Variants in SORCS3 observed in about 807,000 individuals in gnomAD.
SORCS3 encodes the protein sortilin related VPS10 domain containing receptor 3.
SORCS3 carries 57 observed loss-of-function variants against 146.3 expected under a neutral mutation model. The observed-to-expected ratio is 0.39, with a 90% CI of 0.31 to 0.49. The LOEUF is 0.49. Among genes scored for constraint, SORCS3 ranks in the 20% least tolerant of loss-of-function variants. The pLI is 0.92. For missense variants in SORCS3, 1,341 were observed against 1,575.5 expected, an observed-to-expected ratio of 0.85 and a Z score of 2.52; for synonymous variants, 653 against 618.5, an observed-to-expected ratio of 1.06 and a Z score of -0.83.
intron 4 of SORCS3, among the ~76,000 whole-genome samples, chr10:105,007,399 T>C (rs12250097): frequency 0.23 from 34,984 of 152,038 alleles, 4,638 homozygotes; most frequent in African/African-American, 0.35. Context: ...GCACCAAACC[T>C]TTACATTCAG....
intron 2 of SORCS3, among the ~76,000 whole-genome samples, chr10:104,905,000 A>G (rs1320924428): frequency 6.6e-6 from 1 of 152,194 alleles, no homozygotes; most frequent in Non-Finnish European, 1.5e-5. Context: ...ATATTCTATG[A>G]CTTGACAATA....
At chr10:104,642,061 G>A (rs1589444193) in intron 1 of SORCS3, 107 bp downstream of exon 1, 4 of 1,284,348 alleles carry the variant, frequency 3.1e-6, no homozygotes, top group East Asian at 5.2e-5. Context: ...CGAGGCGGGG[G>A]ACGCCTCGAC....
chr10:105,079,681 C>T (rs1465889495), intron 5 of SORCS3, among the ~76,000 whole-genome samples: 1 of 152,026 alleles, frequency 6.6e-6, no homozygotes, highest in African/African-American at 2.4e-5. Flanking sequence ...GATACTAAGC[C>T]GAGTACCCTA....
At chr10:105,210,999 A>T in intron 16 of SORCS3, 138 bp from the exon 17 acceptor site, 1 of 573,818 alleles carries the variant, frequency 1.7e-6, no homozygotes, top group Admixed American at 2.7e-5. Context: ...ATGAATATTT[A>T]CCCTCACTGG....
chr10:104,795,037 A>C (rs149128260), intron 1 of SORCS3, among the ~76,000 whole-genome samples: 27 of 152,322 alleles, frequency 1.8e-4, no homozygotes, highest in African/African-American at 6.5e-4. Context: ...ATTTTGAAAC[A>C]CTCACTTGAC....
intron 2 of SORCS3, among the ~76,000 whole-genome samples, chr10:104,854,119 G>A (rs1182824144): frequency 2.0e-5 from 3 of 152,108 alleles, no homozygotes; most frequent in African/African-American, 4.8e-5. Context: ...CTCAGCCCTG[G>A]ACACTCATTT....
intron 7 of SORCS3, among the ~76,000 whole-genome samples, chr10:105,126,263 C>A (rs1279377729): frequency 6.6e-6 from 1 of 152,130 alleles, no homozygotes; most frequent in African/African-American, 2.4e-5. Context: ...CTCACTATTT[C>A]TTTCCATTCC....
chr10:104,907,127 CTGTG>C (rs139418206), intron 2 of SORCS3, among the ~76,000 whole-genome samples: 36 of 147,982 alleles, frequency 2.4e-4, no homozygotes, highest in Non-Finnish European at 4.3e-4. Flanking sequence ...CTGTATAGTA[CTGTG>C]TGTGTGTGTG....
chr10:104,842,737 C>A (rs1288775050), intron 1 of SORCS3, 55 bp from the exon 2 acceptor site: 1 of 1,343,612 alleles, frequency 7.4e-7, no homozygotes, highest in African/African-American at 1.7e-5. Context: ...AAGTAAGCTT[C>A]CTTTTTTCCC....
intron 1 of SORCS3, among the ~76,000 whole-genome samples, chr10:104,731,832 A>C (rs2016709782): frequency 6.6e-6 from 1 of 152,302 alleles, no homozygotes; most frequent in East Asian, 1.9e-4. Flanking sequence ...AGGGAGGAAC[A>C]TCAATTGGCA....
intron 7 of SORCS3, among the ~76,000 whole-genome samples, chr10:105,120,210 C>A (rs1176763676): frequency 6.6e-6 from 1 of 152,086 alleles, no homozygotes; most frequent in Non-Finnish European, 1.5e-5. Context: ...CTTCCAGCCG[C>A]CCTGTGAAGA....
At chr10:105,191,426 G>T (rs925573783) in intron 14 of SORCS3, among the ~76,000 whole-genome samples, 2 of 152,098 alleles carry the variant, frequency 1.3e-5, no homozygotes, top group East Asian at 3.9e-4. Flanking sequence ...ACAGTTTTGT[G>T]GTTATATAAT....
chr10:104,807,614 C>T (rs753285288), intron 1 of SORCS3, among the ~76,000 whole-genome samples: 2 of 152,164 alleles, frequency 1.3e-5, no homozygotes, highest in Non-Finnish European at 2.9e-5. Flanking sequence ...GGTGGAGCAG[C>T]ATCCATTCTC....
chr10:104,991,165 T>C (rs2054991597), intron 4 of SORCS3, among the ~76,000 whole-genome samples: 1 of 152,178 alleles, frequency 6.6e-6, no homozygotes, highest in South Asian at 2.1e-4. Context: ...TAAGAAAAGT[T>C]TCTCCTTGCG....
intron 1 of SORCS3, among the ~76,000 whole-genome samples, chr10:104,661,698 T>TAGAC (rs1169860527): frequency 2.6e-5 from 4 of 151,582 alleles, no homozygotes; most frequent in Non-Finnish European, 5.9e-5. Flanking sequence ...GATAGATAGA[T>TAGAC]AGACAGATAG....
At chr10:104,924,266 C>G (rs772083319) in intron 3 of SORCS3, among the ~76,000 whole-genome samples, 7 of 152,152 alleles carry the variant, frequency 4.6e-5, no homozygotes, top group Non-Finnish European at 8.8e-5. Flanking sequence ...AGAGCTGGGG[C>G]GGGAGCAGTT....
chr10:105,108,830 CA>C lies in SORCS3; in HGVS notation c.1212+3317del, dbSNP rs140910451. On this transcript the variant is annotated intron_variant, in intron 7 of 26. Coordinates refer to ENST00000369701, the MANE Select transcript of SORCS3 (RefSeq NM_014978.3). ...AGAATGCCAATGAGTTGCAGGTAGA[CA>C]ACTACATACAGTGTAGGTACAAATA... Among the ~76,000 whole-genome samples the C allele has an allele frequency of 9.2e-3, 1,405 of 152,306 alleles. 16 individuals are homozygous for C. The highest frequency in any genetic ancestry group is 0.032 in the African/African-American group (1,316 of 41,558).
intron 1 of SORCS3, among the ~76,000 whole-genome samples, chr10:104,646,346 G>T (rs762433811): frequency 6.6e-6 from 1 of 152,216 alleles, no homozygotes; most frequent in East Asian, 1.9e-4. Flanking sequence ...AGGAATGCCC[G>T]GGAGTGGCTT....
At position 105,262,427 on chromosome 10, in the gene SORCS3, C is replaced by A. The variant is rs1461306482; in HGVS notation, c.3540C>A (p.Ile1180=). ...GCCAAAGTGAAAACGCCCCCAAAAT[C>A]ACACTCAGTGACTTTACGGAGCCTG... ...SVSQSENAPK[I]TLSDFTEPEE... is the part of the protein sequence containing the mutation. Residue 1180 remains isoleucine (I), a synonymous_variant, in exon 26 of 27, where the codon ATC becomes ATA. Transcript: ENST00000369701. 4.3e-6 allele frequency: 7 copies of A among 1,613,966 alleles called. No individual in the cohort carries two copies. In the South Asian group the frequency reaches 5.5e-5, roughly 13 times the overall value.
Sources: gnomAD v4.1 joint callset for allele counts (sites outside exome capture counted in the v4.1 genomes callset) on GRCh38, gnomAD v4.1.1 for gene constraint, MANE v1.5 for transcripts, NCBI Gene and HGNC (gene_info 2026-07-23, HGNC 2026-07-21) for gene names.